TTLL5: variants seen among roughly 807,000 people sequenced by gnomAD.
The protein encoded by TTLL5 is tubulin tyrosine ligase like 5.
In TTLL5, 132 loss-of-function variants were observed where a neutral mutation model predicts 168.4. That is an observed-to-expected ratio of 0.78 (90% confidence interval 0.68 to 0.91). The LOEUF (loss-of-function observed/expected upper bound fraction) is 0.91, where lower values mean the gene tolerates loss of function less well. Among genes scored for constraint, TTLL5 ranks in the 40% least tolerant of loss-of-function variants. TTLL5 has a pLI of 0.00. For missense variants in TTLL5, 1,545 were observed against 1,581.5 expected (o/e 0.98, Z 0.39); for synonymous variants, 546 against 558.6 (o/e 0.98, Z 0.32).
chr14:75,788,612 G>T (rs1319124191), intron 26 of TTLL5, among the ~76,000 whole-genome samples: 1 of 152,130 alleles, frequency 6.6e-6, no homozygotes, highest in Admixed American at 6.5e-5. Flanking sequence ...AAGTGATACA[G>T]TAGTTGAAAG....
intron 20 of TTLL5, among the ~76,000 whole-genome samples, chr14:75,770,781 A>G (rs542600177): frequency 3.3e-5 from 5 of 152,274 alleles, no homozygotes; most frequent in Admixed American, 1.3e-4. Context: ...TCTTTCGCCC[A>G]CTGAACATCT....
intron 3 of TTLL5, among the ~76,000 whole-genome samples, chr14:75,677,154 T>C (rs1884227509): frequency 6.6e-6 from 1 of 152,076 alleles, no homozygotes; most frequent in African/African-American, 2.4e-5. Flanking sequence ...TTTTTTACTA[T>C]ATAAAAATAA....
chr14:75,745,060 A>C (rs1217106601), intron 15 of TTLL5, 35 bp from the exon 16 acceptor site: 35 of 1,584,864 alleles, frequency 2.2e-5, no homozygotes, highest in Admixed American at 3.5e-5. Context: ...AAACTTAAAA[A>C]ATTTTTTTTA....
Position 75,906,633 on chromosome 14 carries a change from T to C in TTLL5, c.3823+4409T>C, listed in dbSNP as rs375223568. 84 of 985,944 alleles carry C rather than the reference T, an allele frequency of 8.5e-5. No homozygotes were observed. The East Asian group carries it at 2.2e-3, about 25-fold the overall frequency. 61.1% of individuals were successfully genotyped at this position (985,944 alleles called of 1,614,324 possible). On this transcript the variant is annotated intron_variant, in intron 31 of 31. Coordinates refer to ENST00000298832, the MANE Select transcript of TTLL5 (RefSeq NM_015072.5). ...CAATCTGAAGCCCTTGCTACAGTTA[T>C]AGGACAGAGAAAATCAAAGTCGGTG...
At chr14:75,734,214 C>G (rs1286999529) in intron 14 of TTLL5, among the ~76,000 whole-genome samples, 164 bp downstream of exon 14, 2 of 152,188 alleles carry the variant, frequency 1.3e-5, no homozygotes, top group African/African-American at 2.4e-5. Flanking sequence ...TTCTACGACA[C>G]TTGGCTCCAT....
intron 15 of TTLL5, among the ~76,000 whole-genome samples, chr14:75,739,441 G>A (rs1236490427): frequency 6.6e-6 from 1 of 152,106 alleles, no homozygotes; most frequent in Non-Finnish European, 1.5e-5. Context: ...CAGTTAGACT[G>A]TGTCAAGCTT....
intron 28 of TTLL5, among the ~76,000 whole-genome samples, chr14:75,842,468 A>C (rs1210277274): frequency 6.6e-6 from 1 of 152,104 alleles, no homozygotes; most frequent in African/African-American, 2.4e-5. Flanking sequence ...TAAGACTAGA[A>C]GGAATCCCTG....
intron 27 of TTLL5, among the ~76,000 whole-genome samples, chr14:75,798,855 G>A (rs10149700): frequency 0.74 from 112,854 of 152,026 alleles, 42,317 homozygotes; most frequent in Admixed American, 0.8. Flanking sequence ...ATTTTCTTAA[G>A]TTTGTTGAGA....
chr14:75,745,149 G>GC lies in TTLL5; in HGVS notation c.1339dup (p.Arg447ProfsTer31). On this transcript the variant is annotated frameshift_variant, in exon 16 of 32. Transcript: ENST00000298832. LOFTEE classifies it high-confidence loss of function. The stretch of plus-strand genomic sequence containing the variant: ...GGAAATGAAAAACCTCGTGGGCTCA[G>GC]CCCGGGAGAAAGGGCCAGGGAAGTT... The GC allele has an allele frequency of 6.2e-7, 1 of 1,613,990 alleles. No homozygotes were observed. The highest frequency in any genetic ancestry group is 8.5e-7 in the Non-Finnish European group (1 of 1,179,912).
intron 29 of TTLL5, among the ~76,000 whole-genome samples, chr14:75,865,202 G>A (rs572818540): frequency 3.3e-5 from 5 of 151,090 alleles, no homozygotes; most frequent in African/African-American, 9.7e-5. Context: ...CTTGAGGATA[G>A]TAGACACATT....
In TTLL5 at chr14:75,766,243, C is replaced by T. The variant is rs1890964984; in HGVS notation, c.1890C>T (p.Pro630=). ...PSLTALVENT[P]KENSMKVREW... ...TGACAGCTTTGGTAGAAAATACACC[C>T]AAAGAAAATTCCATGAAAGTTCGTG... Residue 630 remains proline (P), a synonymous_variant, in exon 20 of 32, where the codon CCC becomes CCT. Transcript: ENST00000298832. 6.2e-7 allele frequency: 1 copy of T among 1,613,970 alleles called. No individual in the cohort carries two copies. Among genetic ancestry groups the T allele is most frequent in the African/African-American group, 1.3e-5 (1 of 74,980 alleles).
At chr14:75,795,603 A>C (rs1481528014) in intron 27 of TTLL5, among the ~76,000 whole-genome samples, 4 of 152,096 alleles carry the variant, frequency 2.6e-5, no homozygotes, top group Non-Finnish European at 5.9e-5. Context: ...AAGTCCCCAA[A>C]GTCCATTATA....
chr14:75,745,589 GA>G lies in TTLL5; in HGVS notation c.1487+9del. On this transcript the variant is annotated intron_variant, in intron 17 of 31. Coordinates refer to ENST00000298832, the MANE Select transcript of TTLL5 (RefSeq NM_015072.5). ...GACATGGGAAATATATGGGTGAGGT[GA>G]CTACCTTTTTTTTTTATTCTTTACC... The G allele has an allele frequency of 6.2e-7, 1 of 1,611,048 alleles. No individual in the cohort carries two copies. The highest frequency in any genetic ancestry group is 1.3e-5 in the African/African-American group (1 of 74,784).
chr14:75,925,843 G>A (rs1022879698), intron 31 of TTLL5, among the ~76,000 whole-genome samples: 3 of 152,054 alleles, frequency 2.0e-5, no homozygotes, highest in African/African-American at 7.3e-5. Context: ...GCGGTTAGGA[G>A]CTGGAGACCA....
intron 28 of TTLL5, among the ~76,000 whole-genome samples, chr14:75,825,498 C>G (rs1326738906): frequency 6.6e-6 from 1 of 152,130 alleles, no homozygotes; most frequent in Non-Finnish European, 1.5e-5. Context: ...TCCATTGCAG[C>G]TCAATGTTCC....
At chr14:75,688,748 AAC>A (rs1481223828) in intron 5 of TTLL5, among the ~76,000 whole-genome samples, 1 of 152,174 alleles carries the variant, frequency 6.6e-6, no homozygotes, top group African/African-American at 2.4e-5. Flanking sequence ...TGTGTGGGGA[AAC>A]ACACATTTGG....
At chr14:75,734,998 C>T (rs1210582475) in intron 14 of TTLL5, among the ~76,000 whole-genome samples, 197 bp from the exon 15 acceptor site, 1 of 152,208 alleles carries the variant, frequency 6.6e-6, no homozygotes, top group Non-Finnish European at 1.5e-5. Context: ...GGAGATTTCC[C>T]TTTTCTTCTC....
intron 7 of TTLL5, among the ~76,000 whole-genome samples, chr14:75,703,386 T>C (rs958166134): frequency 2.0e-5 from 3 of 152,202 alleles, no homozygotes; most frequent in Non-Finnish European, 4.4e-5. Context: ...GCATCACTTT[T>C]ATGTAACACT....
intron 7 of TTLL5, among the ~76,000 whole-genome samples, chr14:75,705,750 G>A (rs962145899): frequency 3.3e-5 from 5 of 152,110 alleles, no homozygotes; most frequent in African/African-American, 1.2e-4. Flanking sequence ...TGCCTTTACT[G>A]TAGCTATTAT....
Sources: allele counts gnomAD v4.1 joint callset (sites outside exome capture counted in the v4.1 genomes callset), GRCh38; gene constraint gnomAD v4.1.1; transcripts MANE v1.5; gene names NCBI Gene and HGNC (gene_info 2026-07-23, HGNC 2026-07-21).